YTHDC1: variants seen among roughly 807,000 people sequenced by gnomAD.
YTHDC1 encodes YTH domain-containing protein 1.
In YTHDC1, 12 loss-of-function variants were observed where a neutral mutation model predicts 107.0. That is an observed-to-expected ratio of 0.11 (90% CI 0.07 to 0.18). The LOEUF (loss-of-function observed/expected upper bound fraction) is 0.18. YTHDC1 is among the 10% of genes least tolerant of loss of function. The pLI is 1.00. For missense variants in YTHDC1, 635 were observed against 898.8 expected, an observed-to-expected ratio of 0.71 and a Z score of 3.75; for synonymous variants, 280 against 289.5, an observed-to-expected ratio of 0.97 and a Z score of 0.33.
intron 9 of YTHDC1, among the ~76,000 whole-genome samples, chr4:68,327,043 C>T (rs1279620020): frequency 6.6e-6 from 1 of 150,858 alleles, no homozygotes; most frequent in East Asian, 2.0e-4. Context: ...TCGAGACCAG[C>T]CTAACCAACA....
At position 68,314,216 on chromosome 4, in the gene YTHDC1, G is replaced by GCGGTCT. The variant is rs771787892; in HGVS notation, c.2061_2066dup (p.Asp688_Arg689dup). The GCGGTCT allele has an allele frequency of 1.9e-6, 3 of 1,613,456 alleles. No homozygotes were observed. The highest frequency in any genetic ancestry group is 1.7e-6 in the Non-Finnish European group (2 of 1,179,798). On this transcript the variant is annotated inframe_insertion, in exon 17 of 17. Transcript: ENST00000344157. ...CTCTGTCTCGTCTGTTATCTCTAGG[G>GCGGTCT]CGGTCTCGCTCTCGTTCCCGGTCTC...
At chr4:68,329,806 T>A (rs367691331) in intron 9 of YTHDC1, among the ~76,000 whole-genome samples, 196 bp downstream of exon 9, 7 of 152,332 alleles carry the variant, frequency 4.6e-5, no homozygotes, top group African/African-American at 1.7e-4. Flanking sequence ...ATTTACTGCT[T>A]TATTACTAAT....
intron 5 of YTHDC1, 71 bp from the exon 6 acceptor site, chr4:68,332,918 G>T: frequency 1.5e-6 from 2 of 1,334,092 alleles, no homozygotes; most frequent in Non-Finnish European, 2.1e-6. Flanking sequence ...CTACAGTCTT[G>T]TCACATAAAA....
At chr4:68,346,100 T>TATATATATATAC (rs144743953) in intron 1 of YTHDC1, among the ~76,000 whole-genome samples, 202 of 134,122 alleles carry the variant, frequency 1.5e-3, no homozygotes, top group Middle Eastern at 3.9e-3. Context: ...TATATATATA[T>TATATATATATAC]ACACACACAC....
In YTHDC1 at chr4:68,310,911, G is replaced by C. The variant is rs1191769424; in HGVS notation, c.*3188C>G. On this transcript the variant is annotated 3_prime_UTR_variant, in exon 17 of 17. Transcript: ENST00000344157. Reference sequence around the variant, plus strand: ...TACAGCAGAATGTAGATATATCCAAGGGCAAGATGCCACACCTGTGATGGC... The same window carrying C: ...TACAGCAGAATGTAGATATATCCAACGGCAAGATGCCACACCTGTGATGGC... 6.6e-6 allele frequency: 1 copy of C among 152,126 alleles called. No individual in the cohort carries two copies. 9.4% of individuals were successfully genotyped at this position (152,126 alleles called of 1,614,324 possible).
rs529659859 is a variant in YTHDC1, at chr4:68,327,953, T to C, written c.1349+2049A>G. Among the ~76,000 whole-genome samples the C allele has an allele frequency of 1.4e-3, 215 of 152,258 alleles. 2 individuals carry two copies. Among genetic ancestry groups the C allele is most frequent in the Admixed American group, 3.3e-3 (50 of 15,294 alleles). ...TTTCTAGGTAAACCCATAAACTTAC[T>C]TTAAAATAATAAAAGCACTTTACTG... is the stretch of plus-strand genomic sequence containing the variant. On this transcript the variant is annotated intron_variant, in intron 9 of 16. Coordinates refer to ENST00000344157, the MANE Select transcript of YTHDC1 (RefSeq NM_001031732.4).
At chr4:68,335,061 TTACTC>T (rs1352180051) in intron 4 of YTHDC1, among the ~76,000 whole-genome samples, 3 of 152,130 alleles carry the variant, frequency 2.0e-5, no homozygotes, top group Non-Finnish European at 2.9e-5. Flanking sequence ...CCCCCAACTA[TTACTC>T]TCAGGTCAAA....
At chr4:68,346,078 C>CATACATATAT (rs1553908027) in intron 1 of YTHDC1, among the ~76,000 whole-genome samples, 2 of 132,678 alleles carry the variant, frequency 1.5e-5, no homozygotes, top group Non-Finnish European at 3.1e-5. Flanking sequence ...TGTGTGTGTA[C>CATACATATAT]ATATATATAT....
At chr4:68,349,637 A>ACCCC in intron 1 of YTHDC1, 89 bp downstream of exon 1, 1 of 124,940 alleles carries the variant, frequency 8.0e-6, no homozygotes, top group Non-Finnish European at 1.6e-5. Flanking sequence ...CCCAACCCCC[A>ACCCC]CCCCCCACCC....
chr4:68,331,184 T>C (rs1372060122), intron 7 of YTHDC1, among the ~76,000 whole-genome samples: 1 of 152,198 alleles, frequency 6.6e-6, no homozygotes, highest in Non-Finnish European at 1.5e-5. Context: ...TGTTATACTG[T>C]GTTTAAGTTT....
intron 10 of YTHDC1, among the ~76,000 whole-genome samples, chr4:68,323,425 A>C (rs961520647): frequency 6.6e-6 from 1 of 152,176 alleles, no homozygotes; most frequent in African/African-American, 2.4e-5. Flanking sequence ...TGAGCAATAA[A>C]ATGTCATATT....
Position 68,310,637 on chromosome 4 carries a change from G to A in YTHDC1, c.*3462C>T, listed in dbSNP as rs1432643385. On this transcript the variant is annotated 3_prime_UTR_variant, in exon 17 of 17. Coordinates refer to ENST00000344157, the MANE Select transcript of YTHDC1 (RefSeq NM_001031732.4). ...AACTTGAGCCAGTTCTTTCCTGTGT[G>A]CCTCAATTTTAATATGTGTTTCAAA... 1 of 152,046 alleles carries A rather than the reference G, an allele frequency of 6.6e-6. No homozygotes were observed. The highest frequency in any genetic ancestry group is 1.5e-5 in the Non-Finnish European group (1 of 67,960). 9.4% of individuals were successfully genotyped at this position (152,046 alleles called of 1,614,324 possible).
At chr4:68,345,533 T>C (rs1013637222) in intron 1 of YTHDC1, among the ~76,000 whole-genome samples, 5 of 152,200 alleles carry the variant, frequency 3.3e-5, no homozygotes, top group Admixed American at 2.6e-4. Context: ...GTTTTTGTCA[T>C]TGAAAATCGT....
intron 9 of YTHDC1, among the ~76,000 whole-genome samples, chr4:68,326,127 T>C (rs1722969397): frequency 6.6e-6 from 1 of 151,942 alleles, no homozygotes; most frequent in Non-Finnish European, 1.5e-5. Flanking sequence ...TATAAGAAGG[T>C]TATAAATTAA....
At position 68,333,408 on chromosome 4, in the gene YTHDC1, C is replaced by G. The variant is rs1723805073; in HGVS notation, c.884-11G>C. 3 of 1,570,372 alleles carry G rather than the reference C, an allele frequency of 1.9e-6. No individual in the cohort carries two copies. In the African/African-American group the frequency reaches 4.1e-5, roughly 22 times the overall value. ...CCTTCTTTTTCTCATCTAAAAAGAA[C>G]AAGAGTTTTTTTTTTAAATCACAAT... On this transcript the variant is annotated splice_polypyrimidine_tract_variant and intron_variant, in intron 4 of 16. Transcript: ENST00000344157.
At chr4:68,323,070 C>T (rs1722606391) in intron 10 of YTHDC1, among the ~76,000 whole-genome samples, 155 bp from the exon 11 acceptor site, 1 of 152,134 alleles carries the variant, frequency 6.6e-6, no homozygotes, top group Non-Finnish European at 1.5e-5. Context: ...ATTTATAAAA[C>T]ATTTAAAAAG....
intron 10 of YTHDC1, 86 bp from the exon 11 acceptor site, chr4:68,323,001 G>A: frequency 7.4e-7 from 1 of 1,358,530 alleles, no homozygotes; most frequent in Non-Finnish European, 1.0e-6. Flanking sequence ...AACAAAAACT[G>A]ACTTGGAAGC....
chr4:68,336,964 T>C, intron 4 of YTHDC1, 63 bp downstream of exon 4: 1 of 1,516,874 alleles, frequency 6.6e-7, no homozygotes. Flanking sequence ...AATTTAAACA[T>C]TTTCAAGACT....
intron 1 of YTHDC1, among the ~76,000 whole-genome samples, chr4:68,341,214 C>T (rs1374999464): frequency 6.6e-6 from 1 of 151,998 alleles, no homozygotes; most frequent in Admixed American, 6.6e-5. Context: ...GTATGAAGTT[C>T]CGGCTTTAGA....
Sources: gnomAD v4.1 joint callset for allele counts (sites outside exome capture counted in the v4.1 genomes callset) on GRCh38, gnomAD v4.1.1 for gene constraint, MANE v1.5 for transcripts, NCBI Gene and HGNC (gene_info 2026-07-23, HGNC 2026-07-21) for gene names.